The following EYS variants were observed in gnomAD, a reference collection of about 807,000 sequenced individuals.
EYS encodes the protein protein eyes shut homolog.
EYS carries 250 observed loss-of-function variants against 282.1 expected under a neutral mutation model. The observed-to-expected ratio is 0.89, with a 90% CI of 0.80 to 0.98. The LOEUF (loss-of-function observed/expected upper bound fraction) is 0.98. EYS is among the 50% of genes least tolerant of loss of function. The probability of loss-of-function intolerance (pLI) is 0.00; values close to 1 mark genes in which losing one functional copy is unlikely to be tolerated. For synonymous variants in EYS, 1,355 were observed against 1,282.9 expected (o/e 1.06, Z -1.20); for missense variants, 4,016 against 3,709.0 (o/e 1.08, Z -2.15).
At chr6:64,344,013 T>C (rs1160089383) in intron 29 of EYS, among the ~76,000 whole-genome samples, 12 of 152,050 alleles carry the variant, frequency 7.9e-5, no homozygotes, top group Non-Finnish European at 1.3e-4. Context: ...CAGGAAGAAG[T>C]TGAATCTCTG....
intron 19 of EYS, among the ~76,000 whole-genome samples, chr6:64,838,910 G>A (rs1327533524): frequency 6.6e-6 from 1 of 151,940 alleles, no homozygotes; most frequent in African/African-American, 2.4e-5. Context: ...AAGCAACTAG[G>A]AGGAGCTGCA....
intron 29 of EYS, among the ~76,000 whole-genome samples, chr6:64,340,783 A>G (rs1212549764): frequency 3.3e-5 from 5 of 152,026 alleles, no homozygotes; most frequent in Admixed American, 2.0e-4. Context: ...TAAATAGCCT[A>G]CAGAATGGGA....
intron 12 of EYS, among the ~76,000 whole-genome samples, chr6:65,211,316 G>A (rs780446278): frequency 6.6e-6 from 1 of 151,890 alleles, no homozygotes; most frequent in Non-Finnish European, 1.5e-5. Context: ...CTTGGTAAAA[G>A]AATCTGAAAA....
intron 26 of EYS, among the ~76,000 whole-genome samples, chr6:64,557,552 T>G (rs1765270362): frequency 6.6e-6 from 1 of 152,006 alleles, no homozygotes; most frequent in Non-Finnish European, 1.5e-5. Context: ...TTGTATGGTC[T>G]AGTCATTCTA....
intron 41 of EYS, among the ~76,000 whole-genome samples, chr6:63,737,135 G>A (rs1407824968): frequency 4.0e-5 from 6 of 151,560 alleles, no homozygotes; most frequent in Non-Finnish European, 8.9e-5. Flanking sequence ...TTGAATAGGA[G>A]TGGTGAGAGA....
chr6:64,082,998 T>G (rs1772025067), intron 31 of EYS, among the ~76,000 whole-genome samples: 1 of 151,690 alleles, frequency 6.6e-6, no homozygotes, highest in African/African-American at 2.4e-5. Context: ...AGCCTCAAAC[T>G]CTCAGGCTCA....
intron 26 of EYS, among the ~76,000 whole-genome samples, chr6:64,556,237 T>A (rs1765228439): frequency 6.6e-6 from 1 of 152,018 alleles, no homozygotes; most frequent in Admixed American, 6.6e-5. Flanking sequence ...TAAATTTTTA[T>A]TATGTGGAGA....
chr6:65,362,514 C>G, intron 8 of EYS, among the ~76,000 whole-genome samples: 1 of 151,524 alleles, frequency 6.6e-6, no homozygotes, highest in East Asian at 1.9e-4. Flanking sequence ...AATGTATATA[C>G]ACATGCATAT....
At chr6:65,351,227 T>G (rs1462668616) in intron 9 of EYS, among the ~76,000 whole-genome samples, 1 of 151,820 alleles carries the variant, frequency 6.6e-6, no homozygotes, top group Non-Finnish European at 1.5e-5. Context: ...TCACACTGTT[T>G]CTTTTCCATT....
At chr6:65,464,904 A>C (rs1451564664) in intron 5 of EYS, among the ~76,000 whole-genome samples, 1 of 152,170 alleles carries the variant, frequency 6.6e-6, no homozygotes, top group Non-Finnish European at 1.5e-5. Flanking sequence ...ATGAGGCTTA[A>C]AGGTATCCAC....
chr6:64,549,419 T>C (rs866241835), intron 26 of EYS, among the ~76,000 whole-genome samples: 14 of 152,214 alleles, frequency 9.2e-5, no homozygotes, highest in African/African-American at 3.1e-4. Flanking sequence ...TCTTTTTCTA[T>C]CACAATTTTA....
chr6:63,994,825 A>G (rs1767762404), intron 34 of EYS, among the ~76,000 whole-genome samples: 1 of 152,036 alleles, frequency 6.6e-6, no homozygotes, highest in Non-Finnish European at 1.5e-5. Flanking sequence ...AAGGATTTTG[A>G]AAATTGAAAA....
chr6:65,625,272 G>A (rs866258141), intron 2 of EYS, among the ~76,000 whole-genome samples: 16 of 152,250 alleles, frequency 1.1e-4, no homozygotes, highest in African/African-American at 3.6e-4. Flanking sequence ...TCAACATTTC[G>A]ACTTCTTCCT....
chr6:64,046,634 T>G (rs1770636385), intron 33 of EYS, among the ~76,000 whole-genome samples: 1 of 152,132 alleles, frequency 6.6e-6, no homozygotes, highest in Non-Finnish European at 1.5e-5. Context: ...GGGAATAGTA[T>G]TTTCAAAAGC....
At chr6:64,863,788 G>T (rs1378690322) in intron 19 of EYS, among the ~76,000 whole-genome samples, 1 of 152,062 alleles carries the variant, frequency 6.6e-6, no homozygotes, top group Non-Finnish European at 1.5e-5. Flanking sequence ...ATAGAATGTT[G>T]TCTATGAAAG....
chr6:64,866,713 A>G (rs1028986959), intron 19 of EYS, among the ~76,000 whole-genome samples: 1 of 151,720 alleles, frequency 6.6e-6, no homozygotes, highest in Non-Finnish European at 1.5e-5. Context: ...TTTTTGTCCA[A>G]ATATATCTTT....
intron 5 of EYS, among the ~76,000 whole-genome samples, chr6:65,419,147 G>A (rs1767357358): frequency 6.6e-6 from 1 of 151,750 alleles, no homozygotes; most frequent in Admixed American, 6.6e-5. Context: ...CTATTGGAAG[G>A]TGAATAAAAT....
At chr6:63,882,538 T>G (rs552040264) in intron 35 of EYS, among the ~76,000 whole-genome samples, 2 of 152,212 alleles carry the variant, frequency 1.3e-5, no homozygotes, top group East Asian at 1.9e-4. Flanking sequence ...TTCCAGGCAC[T>G]GCTAGGCACT....
chr6:64,980,605 T>A lies in EYS; in HGVS notation c.2259+16977A>T, dbSNP rs992324938. On this transcript the variant is annotated intron_variant, in intron 14 of 42. Transcript: ENST00000503581. ...TTAATACATATACTTTGTGTTCCTA[T>A]CTCCTTCATATTGAAGAATGATGTA... Among the ~76,000 whole-genome samples, 11 of 151,426 alleles carry A rather than the reference T, an allele frequency of 7.3e-5. No individual in the cohort carries two copies. In the Admixed American group the frequency reaches 7.3e-4, roughly 10 times the overall value.
Sources: gnomAD v4.1 joint callset for allele counts (sites outside exome capture counted in the v4.1 genomes callset) on GRCh38, gnomAD v4.1.1 for gene constraint, MANE v1.5 for transcripts, NCBI Gene and HGNC (gene_info 2026-07-23, HGNC 2026-07-21) for gene names.